The following NFKBID variants were observed in gnomAD, a reference collection of about 807,000 sequenced individuals.
The protein encoded by NFKBID is NF-kappa-B inhibitor delta.
In NFKBID, 26 loss-of-function variants were observed where a neutral mutation model predicts 53.4. The ratio of observed to expected loss-of-function variants is 0.49; its 90% CI spans 0.36 to 0.68. The LOEUF (loss-of-function observed/expected upper bound fraction) is 0.68. Among genes scored for constraint, NFKBID ranks in the 30% least tolerant of loss-of-function variants. The pLI, the probability that NFKBID is intolerant of heterozygous loss-of-function variation, is 0.00. For synonymous variants in NFKBID, 262 were observed against 259.8 expected, an observed-to-expected ratio of 1.01 and a Z score of -0.08; for missense variants, 493 against 614.1, an observed-to-expected ratio of 0.80 and a Z score of 2.08.
intron 1 of NFKBID, among the ~76,000 whole-genome samples, chr19:35,899,221 A>G (rs16960862): frequency 0.062 from 9,408 of 152,038 alleles, 655 homozygotes; most frequent in African/African-American, 0.17. Flanking sequence ...GGTTCCCAAC[A>G]TTTTTTTCCC....
chr19:35,890,798 C>A (rs58422001), intron 9 of NFKBID: 41,686 of 380,720 alleles, frequency 0.11, 6,080 homozygotes, highest in African/African-American at 0.48. Context: ...TAGGAGTTCA[C>A]GGCTGCAGTG....
chr19:35,893,146 G>A (rs747707355), intron 9 of NFKBID, among the ~76,000 whole-genome samples: 34 of 152,316 alleles, frequency 2.2e-4, no homozygotes, highest in Non-Finnish European at 2.4e-4. Context: ...TCCAGCCTGG[G>A]TGACAAAGCC....
At chr19:35,900,486 C>G (rs1431523970) in exon 1 of NFKBID, 6 of 1,231,912 alleles carry the variant, frequency 4.9e-6, no homozygotes, top group Non-Finnish European at 6.1e-6. Context: ...AGGGCCGCGG[C>G]CTCGGCGCTG....
rs746560154 is a variant in NFKBID, at chr19:35,896,308, C to T, written c.832-39G>A. 10 of 1,613,956 alleles carry T rather than the reference C, an allele frequency of 6.2e-6. No homozygotes were observed. The highest frequency in any genetic ancestry group is 8.5e-6 in the Non-Finnish European group (10 of 1,179,864). On this transcript the variant is annotated intron_variant, in intron 7 of 11. Coordinates refer to ENST00000641389, the Ensembl canonical transcript of NFKBID. The surrounding 1 kb of genome is among the most constrained non-coding windows in gnomAD (Gnocchi z 5.7). ...AAGGCAGACTGCTGGGTAAGGGTAT[C>T]CCCTGGCCTCCTGGCCCTGGAAGCC...
In NFKBID at chr19:35,896,363, A is replaced by G; in HGVS notation, c.831+29T>C. On this transcript the variant is annotated intron_variant, in intron 7 of 11. Coordinates refer to ENST00000641389, the Ensembl canonical transcript of NFKBID. This position sits in a 1 kb window ranked among gnomAD's most constrained non-coding sequence, Gnocchi z 5.7. ...TCTGGGCAACCAGTCTACCCCCCAG[A>G]CAAACCCCTGCCTGCCAGCTGGCCA... 1 of 1,614,088 alleles carries G rather than the reference A, an allele frequency of 6.2e-7. No individual in the cohort carries two copies. Among genetic ancestry groups the G allele is most frequent in the Non-Finnish European group, 8.5e-7 (1 of 1,179,984 alleles).
intron 9 of NFKBID, among the ~76,000 whole-genome samples, chr19:35,893,591 C>T (rs932550959): frequency 6.6e-6 from 1 of 152,044 alleles, no homozygotes; most frequent in Non-Finnish European, 1.5e-5. Flanking sequence ...GAGGCCGAGG[C>T]GGGTGGATCA....
intron 1 of NFKBID, among the ~76,000 whole-genome samples, chr19:35,899,508 G>T (rs1975423353): frequency 6.7e-6 from 1 of 148,548 alleles, no homozygotes; most frequent in Non-Finnish European, 1.5e-5. Context: ...TGCAGTAAGC[G>T]GAGATCGCGC....
At chr19:35,898,923 C>G in intron 1 of NFKBID, 101 bp from the exon 2 acceptor site, 1 of 830,698 alleles carries the variant, frequency 1.2e-6, no homozygotes, top group Non-Finnish European at 1.9e-6. Flanking sequence ...CCTCCTCGCC[C>G]TCCCGCGCGG....
intron 4 of NFKBID, chr19:35,897,412 A>C (rs1975256918): frequency 1.7e-6 from 1 of 579,786 alleles, no homozygotes; most frequent in African/African-American, 1.9e-5. Flanking sequence ...GCGCCACTAC[A>C]CCCAGCTAAT....
At chr19:35,892,885 G>C (rs1452811487) in intron 9 of NFKBID, among the ~76,000 whole-genome samples, 1 of 152,216 alleles carries the variant, frequency 6.6e-6, no homozygotes, top group East Asian at 1.9e-4. Context: ...ATTATAGGTA[G>C]CTGGGCACAG....
At chr19:35,898,977 A>G (rs1025886267) in intron 1 of NFKBID, among the ~76,000 whole-genome samples, 155 bp from the exon 2 acceptor site, 4 of 152,166 alleles carry the variant, frequency 2.6e-5, no homozygotes, top group African/African-American at 7.2e-5. Flanking sequence ...CAAAGCCATT[A>G]GAAGATTTGG....
chr19:35,897,864 T>A lies in NFKBID; in HGVS notation c.227-8A>T, dbSNP rs746613323. On this transcript the variant is annotated splice_region_variant and splice_polypyrimidine_tract_variant and intron_variant, in intron 3 of 11. Transcript: ENST00000641389. ...CTGGGAAGGGAGGGTGGCCTGCGTG[T>A]AAGAGGAGGGGCAGGGGCAGGTCTG... 3.3e-6 allele frequency: 5 copies of A among 1,536,330 alleles called. No homozygotes were observed. Among genetic ancestry groups the A allele is most frequent in the Non-Finnish European group, 4.4e-6 (5 of 1,145,592 alleles).
upstream of NFKBID, among the ~76,000 whole-genome samples, chr19:35,901,007 A>G (rs899186996): frequency 6.6e-6 from 1 of 151,158 alleles, no homozygotes; most frequent in Non-Finnish European, 1.5e-5. Flanking sequence ...TAATTTTTGT[A>G]TTTTTAGGAG....
chr19:35,899,627 C>T (rs1975433087), intron 1 of NFKBID: 1 of 150,290 alleles, frequency 6.7e-6, no homozygotes, highest in Non-Finnish European at 1.5e-5. Flanking sequence ...GAATCTGGAC[C>T]CTCAGTTCCT....
At chr19:35,889,565 C>T (rs921119439) in intron 11 of NFKBID, among the ~76,000 whole-genome samples, 2 of 151,212 alleles carry the variant, frequency 1.3e-5, no homozygotes, top group African/African-American at 4.9e-5. Flanking sequence ...AGGTCAGGAC[C>T]CAAGGTTAGG....
At chr19:35,891,166 A>C (rs1185866684) in intron 9 of NFKBID, among the ~76,000 whole-genome samples, 1 of 152,224 alleles carries the variant, frequency 6.6e-6, no homozygotes, top group Non-Finnish European at 1.5e-5. Context: ...AGTTGGCAGC[A>C]TTAATCAGTG....
At chr19:35,889,752 C>T in intron 11 of NFKBID, 138 bp downstream of exon 11, 1 of 851,936 alleles carries the variant, frequency 1.2e-6, no homozygotes. Context: ...ATTATAGAGT[C>T]AGGGTTGCCT....
At chr19:35,895,320 CA>C (rs74172772) in intron 9 of NFKBID, among the ~76,000 whole-genome samples, 16,392 of 72,164 alleles carry the variant, frequency 0.23, 2,270 homozygotes, top group African/African-American at 0.46. Context: ...TACTAAAATA[CA>C]AAAAAAAAAA....
At chr19:35,895,930 C>T (rs777926288) in intron 9 of NFKBID, 50 bp downstream of exon 9, 31 of 1,568,484 alleles carry the variant, frequency 2.0e-5, no homozygotes, top group South Asian at 1.5e-4. Flanking sequence ...ATCCAAGTGG[C>T]CCCATTCCAC....
Sources: gnomAD v4.1 joint callset for allele counts (sites outside exome capture counted in the v4.1 genomes callset) on GRCh38, gnomAD v4.1.1 for gene constraint, Gnocchi (gnomAD v3.1) non-coding constraint, MANE v1.5 for transcripts, NCBI Gene and HGNC (gene_info 2026-07-23, HGNC 2026-07-21) for gene names.